CACNA1E: variants seen among roughly 807,000 people sequenced by gnomAD.
CACNA1E encodes calcium voltage-gated channel subunit alpha1 E, also known as voltage-dependent R-type calcium channel subunit alpha-1E.
CACNA1E carries 40 observed loss-of-function variants against 259.2 expected under a neutral mutation model. That is an observed-to-expected ratio of 0.15 (90% confidence interval 0.12 to 0.20). The LOEUF is 0.20. Ranked by LOEUF, CACNA1E falls within the 10% of genes least tolerant of loss-of-function variation. CACNA1E has a pLI of 1.00. For missense variants in CACNA1E, 1,874 were observed against 3,040.1 expected (o/e 0.62, Z 9.02); for synonymous variants, 1,104 against 1,138.5 (o/e 0.97, Z 0.61).
At position 181,491,582 on chromosome 1, in the gene CACNA1E, C is replaced by T. The variant is rs141923131; in HGVS notation, c.266+7572C>T. ...CCTCATCCCAAATCTCTCTCATTTA[C>T]CAGCTAAAGCCCTGCTGCTAACAAA... is the stretch of plus-strand genomic sequence containing the variant. On this transcript the variant is annotated intron_variant, in intron 1 of 47. Transcript: ENST00000367573. 6.2e-3 allele frequency among the ~76,000 whole-genome samples: 944 copies of T among 152,324 alleles called. 6 individuals are homozygous for T. The highest frequency in any genetic ancestry group is 0.021 in the African/African-American group (869 of 41,582).
intron 2 of CACNA1E, among the ~76,000 whole-genome samples, chr1:181,474,333 T>G (rs1334072975): frequency 6.6e-6 from 1 of 152,228 alleles, no homozygotes; most frequent in Non-Finnish European, 1.5e-5. Flanking sequence ...GTCAGTGGTG[T>G]TAGGAGGATT....
chr1:181,794,563 G>A (rs1342433894), intron 45 of CACNA1E, among the ~76,000 whole-genome samples: 1 of 152,246 alleles, frequency 6.6e-6, no homozygotes, highest in Non-Finnish European at 1.5e-5. Context: ...CCATGGTAGA[G>A]GGCTCTATGG....
chr1:181,329,136 C>T (rs547124538), intron 1 of CACNA1E, among the ~76,000 whole-genome samples: 1 of 152,254 alleles, frequency 6.6e-6, no homozygotes, highest in East Asian at 1.9e-4. Context: ...ATTGTTGATA[C>T]TTGCATCTCT....
chr1:181,408,186 G>T (rs1419686021), intron 1 of CACNA1E, among the ~76,000 whole-genome samples: 1 of 152,170 alleles, frequency 6.6e-6, no homozygotes. Context: ...TCATTGACTT[G>T]CTGGTGTATC....
At chr1:181,406,695 G>T (rs1219903158) in intron 1 of CACNA1E, among the ~76,000 whole-genome samples, 1 of 152,088 alleles carries the variant, frequency 6.6e-6, no homozygotes, top group East Asian at 1.9e-4. Context: ...TACTTAATCT[G>T]TAAAATGATG....
intron 3 of CACNA1E, among the ~76,000 whole-genome samples, chr1:181,524,523 A>G (rs1426743914): frequency 2.0e-5 from 3 of 152,212 alleles, no homozygotes; most frequent in Admixed American, 6.5e-5. Context: ...ATGGGTTAAC[A>G]TAGTAGGTTC....
In CACNA1E at chr1:181,330,335, C is replaced by T. The variant is rs115621866; in HGVS notation, c.-15+12212C>T. On this transcript the variant is annotated intron_variant, in intron 1 of 11. Transcript: ENST00000524607. ...GGCCACCTCCCCCCAGCCCCCTCTC[C>T]CCTTCTTCTCTGCCTGCCTCCAGTT... 9.1e-3 allele frequency among the ~76,000 whole-genome samples: 1,392 copies of T among 152,248 alleles called. 18 individuals carry two copies. The highest frequency in any genetic ancestry group is 0.032 in the African/African-American group (1,330 of 41,530).
intron 3 of CACNA1E, among the ~76,000 whole-genome samples, chr1:181,547,599 G>T (rs531077831): frequency 6.6e-6 from 1 of 152,172 alleles, no homozygotes; most frequent in Non-Finnish European, 1.5e-5. Context: ...CTAGTCCAGC[G>T]CTCCTTCCAC....
At chr1:181,612,075 AC>A (rs1458177356) in intron 6 of CACNA1E, among the ~76,000 whole-genome samples, 2 of 152,224 alleles carry the variant, frequency 1.3e-5, no homozygotes, top group African/African-American at 4.8e-5. Flanking sequence ...AGAAAACACG[AC>A]ACTTGAGATT....
chr1:181,741,666 A>G (rs1021818801), intron 25 of CACNA1E, among the ~76,000 whole-genome samples: 16 of 152,322 alleles, frequency 1.1e-4, no homozygotes, highest in South Asian at 6.2e-4. Flanking sequence ...CCCATTGTCC[A>G]CAGTCCAGAC....
At chr1:181,373,020 G>A (rs1179353824) in intron 1 of CACNA1E, among the ~76,000 whole-genome samples, 1 of 152,056 alleles carries the variant, frequency 6.6e-6, no homozygotes, top group African/African-American at 2.4e-5. Flanking sequence ...TTTTTGATGT[G>A]CTGCTGGATT....
intron 7 of CACNA1E, among the ~76,000 whole-genome samples, chr1:181,668,448 G>A (rs1220160644): frequency 6.6e-6 from 1 of 152,136 alleles, no homozygotes; most frequent in African/African-American, 2.4e-5. Context: ...CTGCTATGAA[G>A]AACATTTGTG....
intron 3 of CACNA1E, among the ~76,000 whole-genome samples, chr1:181,539,976 G>T (rs140067998): frequency 6.6e-6 from 1 of 152,246 alleles, no homozygotes; most frequent in African/African-American, 2.4e-5. Flanking sequence ...AAATAAACAT[G>T]CTTCCTATTT....
At chr1:181,599,032 T>C (rs1374548715) in intron 6 of CACNA1E, among the ~76,000 whole-genome samples, 2 of 152,072 alleles carry the variant, frequency 1.3e-5, no homozygotes, top group African/African-American at 4.8e-5. Context: ...GCCATGGTGA[T>C]TTGCTACACA....
chr1:181,750,403 C>G, intron 25 of CACNA1E, 73 bp from the exon 26 acceptor site: 2 of 1,370,830 alleles, frequency 1.5e-6, no homozygotes, highest in Non-Finnish European at 2.1e-6. Flanking sequence ...TCTTTCTTCT[C>G]TCTACCCCAA....
intron 1 of CACNA1E, among the ~76,000 whole-genome samples, chr1:181,353,615 A>G (rs1484961922): frequency 6.6e-6 from 1 of 152,218 alleles, no homozygotes; most frequent in Non-Finnish European, 1.5e-5. Flanking sequence ...AAGAGATGTC[A>G]GTGAACCATG....
chr1:181,639,845 AAG>A (rs1657590151), intron 6 of CACNA1E, among the ~76,000 whole-genome samples: 1 of 152,208 alleles, frequency 6.6e-6, no homozygotes, highest in Non-Finnish European at 1.5e-5. Context: ...GAGAGTGAAT[AAG>A]AGAGTACAAA....
At chr1:181,366,866 T>C (rs1024673021) in intron 1 of CACNA1E, among the ~76,000 whole-genome samples, 5 of 152,228 alleles carry the variant, frequency 3.3e-5, no homozygotes, top group Non-Finnish European at 4.4e-5. Context: ...ACTTAACCTG[T>C]ATGATCTATA....
At chr1:181,740,213 T>A (rs1656433080) in intron 25 of CACNA1E, among the ~76,000 whole-genome samples, 1 of 152,150 alleles carries the variant, frequency 6.6e-6, no homozygotes, top group Admixed American at 6.5e-5. Context: ...CTAGCTACAC[T>A]GTGTAGTGAG....
Sources: allele counts gnomAD v4.1 joint callset (sites outside exome capture counted in the v4.1 genomes callset), GRCh38; gene constraint gnomAD v4.1.1; transcripts MANE v1.5; gene names NCBI Gene and HGNC (gene_info 2026-07-23, HGNC 2026-07-21).